RIMS1: variants seen among roughly 807,000 people sequenced by gnomAD.
The protein encoded by RIMS1 is regulating synaptic membrane exocytosis 1, also known as regulating synaptic membrane exocytosis protein 1.
In RIMS1, 83 loss-of-function variants were observed where a neutral mutation model predicts 214.1. The ratio of observed to expected loss-of-function variants is 0.39; its 90% CI spans 0.32 to 0.47. The LOEUF is 0.47. Ranked by LOEUF, RIMS1 falls within the 20% of genes least tolerant of loss-of-function variation. The pLI, the probability that RIMS1 is intolerant of heterozygous loss-of-function variation, is 0.99. For synonymous variants in RIMS1, 793 were observed against 786.8 expected, an observed-to-expected ratio of 1.01 and a Z score of -0.13; for missense variants, 2,050 against 2,161.8, an observed-to-expected ratio of 0.95 and a Z score of 1.03.
chr6:72,064,331 A>AG (rs1828709619), intron 2 of RIMS1, among the ~76,000 whole-genome samples: 1 of 136,974 alleles, frequency 7.3e-6, no homozygotes, highest in Non-Finnish European at 1.6e-5. Flanking sequence ...GAAAGAAAGA[A>AG]AGAGAGAGAG....
intron 22 of RIMS1, among the ~76,000 whole-genome samples, chr6:72,269,186 T>C (rs2081915155): frequency 6.6e-6 from 1 of 152,178 alleles, no homozygotes; most frequent in Non-Finnish European, 1.5e-5. Context: ...CTGAAGTTCT[T>C]CTGTGGTTTA....
chr6:72,227,733 A>G (rs562380145), intron 6 of RIMS1, among the ~76,000 whole-genome samples: 4 of 151,984 alleles, frequency 2.6e-5, no homozygotes, highest in Admixed American at 2.6e-4. Flanking sequence ...GGGTAGTTCA[A>G]CTCCGGAGGT....
chr6:72,015,904 T>C (rs955536892), intron 2 of RIMS1, among the ~76,000 whole-genome samples: 4 of 152,106 alleles, frequency 2.6e-5, no homozygotes, highest in African/African-American at 4.8e-5. Context: ...CCAGGCTGGG[T>C]GACAGAGCGA....
chr6:72,323,217 A>G (rs946676700), intron 28 of RIMS1, among the ~76,000 whole-genome samples: 2 of 152,122 alleles, frequency 1.3e-5, no homozygotes, highest in Non-Finnish European at 1.5e-5. Context: ...GAGGAAAATA[A>G]TATCATACAG....
intron 1 of RIMS1, among the ~76,000 whole-genome samples, chr6:71,891,080 A>C (rs1045292861): frequency 6.6e-6 from 1 of 152,186 alleles, no homozygotes; most frequent in Admixed American, 6.5e-5. Flanking sequence ...GTGGCTTGGC[A>C]AAAAATTAGG....
In RIMS1 at chr6:72,093,806, A is replaced by C. The variant is rs552072435; in HGVS notation, c.246-3143A>C. 6.6e-5 allele frequency among the ~76,000 whole-genome samples: 10 copies of C among 151,908 alleles called. No homozygotes were observed. In the South Asian group the frequency reaches 2.1e-3, roughly 32 times the overall value. ...TCCGCTACTGGTTTGGATATCATACACTCTATTTCAATTATTTTTGGTGAA... is the reference window on the plus strand; with the variant it reads ...TCCGCTACTGGTTTGGATATCATACCCTCTATTTCAATTATTTTTGGTGAA... On this transcript the variant is annotated intron_variant, in intron 2 of 33. Coordinates refer to ENST00000521978, the MANE Select transcript of RIMS1 (RefSeq NM_014989.7).
At chr6:72,249,318 A>T (rs1266953198) in intron 12 of RIMS1, among the ~76,000 whole-genome samples, 1 of 152,158 alleles carries the variant, frequency 6.6e-6, no homozygotes, top group African/African-American at 2.4e-5. Context: ...AATTCTTGTG[A>T]GTTTGACAAT....
chr6:71,936,446 G>T (rs912031659), intron 1 of RIMS1, among the ~76,000 whole-genome samples: 3 of 151,432 alleles, frequency 2.0e-5, no homozygotes, highest in East Asian at 1.9e-4. Context: ...TAGTTAACCA[G>T]CTGCCTCCCT....
chr6:71,920,857 A>G (rs1315608602), intron 1 of RIMS1, among the ~76,000 whole-genome samples: 1 of 152,246 alleles, frequency 6.6e-6, no homozygotes. Flanking sequence ...AAAGGTACCC[A>G]CTGTTAATTA....
intron 1 of RIMS1, among the ~76,000 whole-genome samples, chr6:71,899,692 G>T (rs779357536): frequency 1.3e-5 from 2 of 152,090 alleles, no homozygotes; most frequent in African/African-American, 4.8e-5. Flanking sequence ...AGCCCTTTCT[G>T]TGGATTTTAT....
At chr6:72,331,054 TTTTA>T (rs2096641492) in intron 28 of RIMS1, among the ~76,000 whole-genome samples, 1 of 151,772 alleles carries the variant, frequency 6.6e-6, no homozygotes, top group African/African-American at 2.4e-5. Context: ...TTTCCAGAAC[TTTTA>T]TTTGTCAAAA....
chr6:72,338,849 AAGAGAGAGAGAGAG>A (rs59731805), intron 29 of RIMS1, among the ~76,000 whole-genome samples: 30 of 138,754 alleles, frequency 2.2e-4, no homozygotes, highest in Middle Eastern at 3.6e-3. Context: ...CCAACTTGTG[AAGAGAGAGAGAGAG>A]AGAGAGAGAG....
intron 28 of RIMS1, among the ~76,000 whole-genome samples, chr6:72,314,432 T>C (rs1232297045): frequency 6.6e-6 from 1 of 152,184 alleles, no homozygotes; most frequent in Admixed American, 6.5e-5. Flanking sequence ...TCCAATACTC[T>C]GAAAGGCTGA....
intron 2 of RIMS1, among the ~76,000 whole-genome samples, chr6:72,017,318 T>A (rs1444566132): frequency 2.0e-5 from 3 of 152,254 alleles, no homozygotes; most frequent in African/African-American, 7.2e-5. Flanking sequence ...AATAATAATT[T>A]GCTTTTTTTG....
Position 71,993,709 on chromosome 6 carries a change from G to A in RIMS1, c.245+24646G>A, listed in dbSNP as rs192151132. Among the ~76,000 whole-genome samples, 308 of 152,222 alleles carry A rather than the reference G, an allele frequency of 2.0e-3. 4 individuals are homozygous for A. Among genetic ancestry groups the A allele is most frequent in the Admixed American group, 0.013 (195 of 15,292 alleles). ...GTTTCAAGTTGAACCTACATCAACC[G>A]TTTTTATTCTTTTCTAGGTTTACAA... On this transcript the variant is annotated intron_variant, in intron 2 of 33. Transcript: ENST00000521978.
chr6:72,101,691 A>G (rs2033625402), intron 4 of RIMS1, among the ~76,000 whole-genome samples: 1 of 151,936 alleles, frequency 6.6e-6, no homozygotes, highest in Non-Finnish European at 1.5e-5. Flanking sequence ...TTGATCTGTT[A>G]AATTGGTGAA....
At chr6:71,967,567 T>C (rs563573498) in intron 1 of RIMS1, among the ~76,000 whole-genome samples, 33 of 152,316 alleles carry the variant, frequency 2.2e-4, no homozygotes, top group Non-Finnish European at 4.4e-4. Flanking sequence ...TTCCTGAATG[T>C]TTTGAAGGCT....
At chr6:72,063,779 A>G (rs1828533660) in intron 2 of RIMS1, among the ~76,000 whole-genome samples, 1 of 152,170 alleles carries the variant, frequency 6.6e-6, no homozygotes, top group Non-Finnish European at 1.5e-5. Context: ...TATTCGTTTT[A>G]TCTGTAAAAA....
At chr6:72,360,572 A>G (rs769133604) in intron 29 of RIMS1, among the ~76,000 whole-genome samples, 3 of 152,024 alleles carry the variant, frequency 2.0e-5, no homozygotes, top group Non-Finnish European at 4.4e-5. Flanking sequence ...AAGTCGTATC[A>G]GTGCTAGCAT....
Sources: gnomAD v4.1 joint callset for allele counts (sites outside exome capture counted in the v4.1 genomes callset) on GRCh38, gnomAD v4.1.1 for gene constraint, MANE v1.5 for transcripts, NCBI Gene and HGNC (gene_info 2026-07-23, HGNC 2026-07-21) for gene names.